CATSPERE: variants seen among roughly 807,000 people sequenced by gnomAD.
CATSPERE encodes the protein catsper channel auxiliary subunit epsilon.
CATSPERE carries 93 observed loss-of-function variants against 114.1 expected under a neutral mutation model. That is an observed-to-expected ratio of 0.81 (90% confidence interval 0.69 to 0.97). The LOEUF is 0.97. CATSPERE is among the 50% of genes least tolerant of loss of function. CATSPERE has a pLI of 0.00. For missense variants in CATSPERE, 1,058 were observed against 1,131.6 expected (o/e 0.93, Z 0.93); for synonymous variants, 341 against 384.1 (o/e 0.89, Z 1.31).
chr1:244,605,166 TTC>T (rs780791431), intron 17 of CATSPERE, among the ~76,000 whole-genome samples: 14 of 152,188 alleles, frequency 9.2e-5, no homozygotes, highest in Non-Finnish European at 1.5e-5. Context: ...ATCATAGTAA[TTC>T]TGTGGTTTCA....
intron 9 of CATSPERE, 25 bp from the exon 10 acceptor site, chr1:244,560,643 C>T (rs1662418735): frequency 7.5e-7 from 1 of 1,326,266 alleles, no homozygotes; most frequent in Admixed American, 2.7e-5. Context: ...GAAGATCTTT[C>T]TCATCATTTT....
At chr1:244,509,422 G>A (rs182800271) in intron 7 of CATSPERE, among the ~76,000 whole-genome samples, 243 of 152,210 alleles carry the variant, frequency 1.6e-3, no homozygotes, top group African/African-American at 5.2e-3. Context: ...TCCCTGGGAT[G>A]AATCTCACCT....
Position 244,582,180 on chromosome 1 carries a change from G to A in CATSPERE, c.2009+326G>A, listed in dbSNP as rs539627666. On this transcript the variant is annotated intron_variant, in intron 12 of 21. Transcript: ENST00000366534. ...TCAAAGTTTCTACATACCATCACTA[G>A]CATAAATAAGAACTCTGATATCACA... Among the ~76,000 whole-genome samples the A allele has an allele frequency of 4.6e-5, 7 of 152,112 alleles. No individual in the cohort carries two copies. The South Asian group carries it at 8.3e-4, about 18-fold the overall frequency.
intron 4 of CATSPERE, 141 bp downstream of exon 4, chr1:244,478,116 C>A: frequency 2.0e-6 from 1 of 496,576 alleles, no homozygotes. Flanking sequence ...ATAAACAAGC[C>A]CTATTTTAAA....
intron 8 of CATSPERE, among the ~76,000 whole-genome samples, chr1:244,544,645 A>G (rs1341253518): frequency 6.6e-6 from 1 of 152,220 alleles, no homozygotes; most frequent in Non-Finnish European, 1.5e-5. Context: ...CATTGCAAAG[A>G]CTAGTGCCAC....
At chr1:244,561,237 T>A in intron 10 of CATSPERE, 92 bp downstream of exon 10, 1 of 929,976 alleles carries the variant, frequency 1.1e-6, no homozygotes, top group Non-Finnish European at 1.6e-6. Flanking sequence ...TACCAATGTG[T>A]GGCGTTTTTG....
intron 2 of CATSPERE, among the ~76,000 whole-genome samples, chr1:244,465,118 C>A (rs1256833139): frequency 6.6e-6 from 1 of 151,840 alleles, no homozygotes; most frequent in African/African-American, 2.4e-5. Flanking sequence ...TCACTGTAAC[C>A]TCTGCCTCCC....
At chr1:244,610,634 T>TA (rs1670590025) in intron 19 of CATSPERE, 1 of 371,704 alleles carries the variant, frequency 2.7e-6, no homozygotes, top group Admixed American at 3.9e-5. Flanking sequence ...CTAGCTCCCT[T>TA]ACATTAACCT....
intron 8 of CATSPERE, among the ~76,000 whole-genome samples, chr1:244,551,962 G>A (rs1660706742): frequency 1.4e-5 from 2 of 147,726 alleles, no homozygotes; most frequent in South Asian, 2.2e-4. Flanking sequence ...TACTCAGGAG[G>A]TTGAGGCAGG....
At chr1:244,508,469 T>A (rs1675175971) in intron 7 of CATSPERE, among the ~76,000 whole-genome samples, 1 of 151,194 alleles carries the variant, frequency 6.6e-6, no homozygotes, top group South Asian at 2.1e-4. Context: ...CCCAGCTAAT[T>A]TTTTTTTATT....
In CATSPERE at chr1:244,554,720, A is replaced by ATT. The variant is rs34613429; in HGVS notation, c.1029+1913_1029+1914dup. Among the ~76,000 whole-genome samples the ATT allele has an allele frequency of 1.3e-3, 196 of 151,802 alleles. 1 individual carries two copies. The highest frequency in any genetic ancestry group is 2.9e-3 in the African/African-American group (121 of 41,366). Reference sequence around the variant, plus strand: ...TGACCTTTGCCCACTTTTAAATGGGATTTTTTTTAACTATTAAGTTGTAAA... The same window carrying ATT: ...TGACCTTTGCCCACTTTTAAATGGGATTTTTTTTTTAACTATTAAGTTGTAAA... On this transcript the variant is annotated intron_variant, in intron 9 of 21. Coordinates refer to ENST00000366534, the MANE Select transcript of CATSPERE (RefSeq NM_001130957.2).
intron 2 of CATSPERE, among the ~76,000 whole-genome samples, chr1:244,474,303 A>T (rs948602059): frequency 1.6e-4 from 25 of 152,106 alleles, no homozygotes; most frequent in African/African-American, 6.0e-4. Flanking sequence ...AAGTACTGGG[A>T]TTATAGGCGT....
rs1057262992 is a variant in CATSPERE at position 244,575,801 on chromosome 1, A to G, written c.1950+3029A>G. Among the ~76,000 whole-genome samples, 1 of 151,440 alleles carries G rather than the reference A, an allele frequency of 6.6e-6. No individual in the cohort carries two copies. Among genetic ancestry groups the G allele is most frequent in the African/African-American group, 2.4e-5 (1 of 41,156 alleles). On this transcript the variant is annotated intron_variant, in intron 11 of 21. Coordinates refer to ENST00000366534, the MANE Select transcript of CATSPERE (RefSeq NM_001130957.2). This position sits in a 1 kb window ranked among gnomAD's most constrained non-coding sequence, Gnocchi z 4.5. The stretch of plus-strand genomic sequence containing the variant: ...GAGTGGAGCTTAGCCTCTTTCTTCC[A>G]CCGAGAAGAGAGGAAAGGGAAGTTT...
upstream of CATSPERE, among the ~76,000 whole-genome samples, chr1:244,456,828 A>G (rs1292099152): frequency 2.0e-5 from 3 of 152,138 alleles, no homozygotes; most frequent in Non-Finnish European, 4.4e-5. Flanking sequence ...TAACTCACTT[A>G]CTTATCCGGT....
chr1:244,562,010 G>A (rs934713519), intron 10 of CATSPERE, among the ~76,000 whole-genome samples: 1 of 151,890 alleles, frequency 6.6e-6, no homozygotes, highest in Non-Finnish European at 1.5e-5. Context: ...AAATTAGCTG[G>A]GCATGGTGGT....
chr1:244,603,593 C>T (rs1221111245), intron 17 of CATSPERE, among the ~76,000 whole-genome samples: 3 of 151,926 alleles, frequency 2.0e-5, no homozygotes, highest in Non-Finnish European at 1.5e-5. Context: ...ATGTAATTTA[C>T]ACTTATTGCC....
At chr1:244,612,284 G>T (rs1670842011) in intron 19 of CATSPERE, among the ~76,000 whole-genome samples, 1 of 152,090 alleles carries the variant, frequency 6.6e-6, no homozygotes. Flanking sequence ...GGGCAATCAG[G>T]GCTGCTTTCT....
At chr1:244,464,032 C>A in intron 2 of CATSPERE, 76 bp downstream of exon 2, 1 of 1,071,140 alleles carries the variant, frequency 9.3e-7, no homozygotes. Context: ...CAGAGTTAAT[C>A]ATATTGAGTT....
intron 9 of CATSPERE, among the ~76,000 whole-genome samples, chr1:244,553,537 T>C (rs3124055): frequency 0.99 from 137,008 of 137,838 alleles, 68,099 homozygotes; most frequent in East Asian, 1. Flanking sequence ...GCCGAGATCG[T>C]GCCACTGCAC....
Sources: gnomAD v4.1 joint callset for allele counts (sites outside exome capture counted in the v4.1 genomes callset) on GRCh38, gnomAD v4.1.1 for gene constraint, Gnocchi (gnomAD v3.1) non-coding constraint, MANE v1.5 for transcripts, NCBI Gene and HGNC (gene_info 2026-07-23, HGNC 2026-07-21) for gene names.